The following CACNA1S variants were observed in gnomAD, a reference collection of about 807,000 sequenced individuals.
CACNA1S encodes the protein voltage-dependent L-type calcium channel subunit alpha-1S.
In CACNA1S, 126 loss-of-function variants were observed where a neutral mutation model predicts 207.4. That is an observed-to-expected ratio of 0.61 (90% confidence interval 0.53 to 0.70). The LOEUF (loss-of-function observed/expected upper bound fraction) is 0.70. Ranked by LOEUF, CACNA1S falls within the 30% of genes least tolerant of loss-of-function variation. CACNA1S has a pLI of 0.00. For missense variants in CACNA1S, 2,349 were observed against 2,422.8 expected (o/e 0.97, Z 0.64); for synonymous variants, 960 against 932.7 (o/e 1.03, Z -0.53).
intron 36 of CACNA1S, among the ~76,000 whole-genome samples, 165 bp from the exon 37 acceptor site, chr1:201,047,791 C>A (rs1453397426): frequency 1.3e-5 from 2 of 152,236 alleles, no homozygotes; most frequent in African/African-American, 4.8e-5. Context: ...GGGAGGGCAT[C>A]ACTGTCCCCC....
chr1:201,108,088 A>G (rs1321225394), intron 2 of CACNA1S, among the ~76,000 whole-genome samples: 2 of 150,664 alleles, frequency 1.3e-5, no homozygotes, highest in African/African-American at 4.9e-5. Context: ...GGAAGATGAC[A>G]TAACCATTAA....
In CACNA1S at chr1:201,073,230, T is replaced by C. The variant is rs577114736; in HGVS notation, c.2157+319A>G. 5.3e-5 allele frequency among the ~76,000 whole-genome samples: 8 copies of C among 152,148 alleles called. 1 individual carries two copies. In the East Asian group the frequency reaches 1.5e-3, roughly 29 times the overall value. On this transcript the variant is annotated intron_variant, in intron 15 of 43. Transcript: ENST00000362061. Reference sequence around the variant, plus strand: ...GGAATGAGCAGGGCAGGGCTAGCAATGGTGGAAGCCGGTCTGGGCCTCTCA... The same window carrying C: ...GGAATGAGCAGGGCAGGGCTAGCAACGGTGGAAGCCGGTCTGGGCCTCTCA...
intron 2 of CACNA1S, among the ~76,000 whole-genome samples, chr1:201,107,942 C>T (rs1361076104): frequency 2.6e-5 from 4 of 152,098 alleles, no homozygotes; most frequent in Non-Finnish European, 4.4e-5. Flanking sequence ...AGGTTTCCGA[C>T]TTGCAGGGAA....
chr1:201,070,203 T>C, intron 17 of CACNA1S, 69 bp downstream of exon 17: 2 of 1,570,596 alleles, frequency 1.3e-6, no homozygotes, highest in Non-Finnish European at 1.8e-6. Flanking sequence ...TCAGACAGGG[T>C]TTTTTCTAGG....
chr1:201,062,517 G>C lies in CACNA1S; in HGVS notation c.2854-3C>G. The C allele has an allele frequency of 6.9e-7, 1 of 1,442,456 alleles. No individual in the cohort carries two copies. Among genetic ancestry groups the C allele is most frequent in the South Asian group, 1.1e-5 (1 of 87,800 alleles). The allele number at this position is 1,442,456 out of a possible 1,614,324, so 89.4% of individuals were successfully genotyped here. A position where few individuals can be genotyped will look rare whatever the true frequency, so the allele number is the denominator to read the frequency against. ...TCGGTGCACCTGAAGAACTTCCCCT[G>C]CAGCCAGGAAGAGGGAGGGAGGGAG... is the stretch of plus-strand genomic sequence containing the variant. On this transcript the variant is annotated splice_region_variant and splice_polypyrimidine_tract_variant and intron_variant, in intron 22 of 43. Transcript: ENST00000362061.
At chr1:201,071,943 C>A (rs547576455) in intron 16 of CACNA1S, among the ~76,000 whole-genome samples, 1 of 152,224 alleles carries the variant, frequency 6.6e-6, no homozygotes, top group Non-Finnish European at 1.5e-5. Context: ...ACACAAAAGT[C>A]CCCCTGGAGC....
intron 41 of CACNA1S, 73 bp from the exon 42 acceptor site, chr1:201,040,786 G>T (rs1000441989): frequency 3.4e-6 from 4 of 1,162,630 alleles, no homozygotes; most frequent in Non-Finnish European, 5.1e-6. Flanking sequence ...ACAGAGGCTC[G>T]CTTGGCTGGC....
chr1:201,072,628 T>C, intron 16 of CACNA1S, 127 bp downstream of exon 16: 1 of 771,466 alleles, frequency 1.3e-6, no homozygotes, highest in Middle Eastern at 3.2e-4. Flanking sequence ...GTCTCCGGTG[T>C]TCTGATCTCC....
chr1:201,085,164 T>A, intron 8 of CACNA1S, 133 bp from the exon 9 acceptor site: 1 of 764,842 alleles, frequency 1.3e-6, no homozygotes, highest in Non-Finnish European at 2.3e-6. Context: ...AGGCCTGGAT[T>A]GCTTCGTGCT....
At chr1:201,106,457 G>T (rs1328739507) in intron 2 of CACNA1S, among the ~76,000 whole-genome samples, 1 of 151,952 alleles carries the variant, frequency 6.6e-6, no homozygotes, top group African/African-American at 2.4e-5. Context: ...CCCCTCTCCC[G>T]CTTGGCCTTC....
chr1:201,097,349 C>A (rs184066621), intron 2 of CACNA1S, among the ~76,000 whole-genome samples: 2 of 152,308 alleles, frequency 1.3e-5, no homozygotes, highest in East Asian at 3.9e-4. Flanking sequence ...ATGACCCTTG[C>A]TGACCCCTCT....
At chr1:201,085,286 T>A in intron 8 of CACNA1S, 150 bp downstream of exon 8, 1 of 1,075,538 alleles carries the variant, frequency 9.3e-7, no homozygotes, top group Admixed American at 1.8e-5. Context: ...CACCTGGATC[T>A]TACCATTTTG....
chr1:201,092,699 G>A (rs1007998459), intron 3 of CACNA1S, among the ~76,000 whole-genome samples: 3 of 152,212 alleles, frequency 2.0e-5, no homozygotes, highest in African/African-American at 7.2e-5. Context: ...GCGCTGTGAG[G>A]TACTGCTTTC....
chr1:201,053,577 T>C lies in CACNA1S; in HGVS notation c.3677A>G (p.Glu1226Gly), dbSNP rs150164738. Residue 1226 changes from glutamate to glycine, a missense_variant, in exon 30 of 44, where the codon GAG (glutamate) becomes GGG (glycine). Transcript: ENST00000362061. This position sits in a 1 kb window ranked among gnomAD's most constrained non-coding sequence, Gnocchi z 5.1. ...GAAGGCGCTGGAGATGCGGGCACTC[T>C]CATCTGGGTCCTGCGGGGCAGCAGC... ...GGGCGNVDPDESARISSAFFR... is the reference protein window; with the variant it reads ...GGGCGNVDPDGSARISSAFFR... The C allele has an allele frequency of 4.2e-5, 68 of 1,607,584 alleles. 1 individual carries two copies. Among genetic ancestry groups the C allele is most frequent in the Non-Finnish European group, 5.3e-5 (62 of 1,176,632 alleles).
chr1:201,076,079 C>T (rs954825112), intron 12 of CACNA1S, among the ~76,000 whole-genome samples: 10 of 152,166 alleles, frequency 6.6e-5, no homozygotes, highest in Admixed American at 4.6e-4. Context: ...AAAAACAAAA[C>T]AAAACCCCTA....
chr1:201,082,983 C>A (rs1475298968), intron 10 of CACNA1S, among the ~76,000 whole-genome samples, 179 bp downstream of exon 10: 2 of 152,138 alleles, frequency 1.3e-5, no homozygotes, highest in Non-Finnish European at 2.9e-5. Context: ...TCCGTTTTAC[C>A]CCCGTGAAAG....
rs944529665 is a variant in CACNA1S at position 201,046,542 on chromosome 1, TC to T, written c.4668+572del. Among the ~76,000 whole-genome samples, 53 of 151,478 alleles carry T rather than the reference TC, an allele frequency of 3.5e-4. No homozygotes were observed. In the Middle Eastern group the frequency reaches 0.01, roughly 29 times the overall value. ...ATCACCTTTCTTTAGAGAGAACTGT[TC>T]TTTTTTTTTTTTCTTTTGAGACACA... On this transcript the variant is annotated intron_variant, in intron 38 of 43. Transcript: ENST00000362061.
intron 32 of CACNA1S, among the ~76,000 whole-genome samples, chr1:201,052,055 C>T (rs999459017): frequency 1.3e-5 from 2 of 152,224 alleles, no homozygotes; most frequent in Non-Finnish European, 2.9e-5. Flanking sequence ...ACCTCTCCCA[C>T]CTGGCTCCTG....
At chr1:201,092,663 G>A (rs753686011) in intron 3 of CACNA1S, among the ~76,000 whole-genome samples, 3 of 152,108 alleles carry the variant, frequency 2.0e-5, no homozygotes, top group Admixed American at 6.5e-5. Context: ...GAACTCCCTG[G>A]GACACATTGC....
Sources: gnomAD v4.1 joint callset for allele counts (sites outside exome capture counted in the v4.1 genomes callset) on GRCh38, gnomAD v4.1.1 for gene constraint, Gnocchi (gnomAD v3.1) non-coding constraint, MANE v1.5 for transcripts, NCBI Gene and HGNC (gene_info 2026-07-23, HGNC 2026-07-21) for gene names.